AHCYL2: variants seen among roughly 807,000 people sequenced by gnomAD.
AHCYL2 encodes adenosylhomocysteinase like 2.
AHCYL2 carries 28 observed loss-of-function variants against 81.4 expected under a neutral mutation model. The ratio of observed to expected loss-of-function variants is 0.34; its 90% CI spans 0.25 to 0.47. AHCYL2 has a LOEUF of 0.47. Ranked by LOEUF, AHCYL2 falls within the 20% of genes least tolerant of loss-of-function variation. The probability of loss-of-function intolerance (pLI) is 1.00; values close to 1 mark genes in which losing one functional copy is unlikely to be tolerated. For synonymous variants in AHCYL2, 272 were observed against 290.2 expected (o/e 0.94, Z 0.64); for missense variants, 551 against 785.1 (o/e 0.70, Z 3.56).
chr7:129,276,895 G>A (rs1796228903), intron 1 of AHCYL2, among the ~76,000 whole-genome samples: 1 of 151,894 alleles, frequency 6.6e-6, no homozygotes, highest in Non-Finnish European at 1.5e-5. Context: ...TGAACAAGAA[G>A]ACATATCTAC....
intron 1 of AHCYL2, among the ~76,000 whole-genome samples, chr7:129,302,190 G>A (rs1310540547): frequency 6.6e-6 from 1 of 152,082 alleles, no homozygotes; most frequent in Non-Finnish European, 1.5e-5. Context: ...CTTGCTGTTG[G>A]TATATAGAAA....
intron 1 of AHCYL2, among the ~76,000 whole-genome samples, chr7:129,362,033 C>G (rs1171109037): frequency 6.6e-6 from 1 of 152,106 alleles, no homozygotes; most frequent in Non-Finnish European, 1.5e-5. Context: ...AAGCGAGATT[C>G]AAACCAGGCA....
intron 1 of AHCYL2, among the ~76,000 whole-genome samples, chr7:129,277,975 C>G (rs553741452): frequency 6.6e-6 from 1 of 152,144 alleles, no homozygotes; most frequent in African/African-American, 2.4e-5. Context: ...TATAAGTGTA[C>G]GGTTTAATTT....
At position 129,342,953 on chromosome 7, in the gene AHCYL2, A is replaced by G. The variant is rs575175572; in HGVS notation, c.364-36685A>G. ...GAAACAATTTCATTTACATCTTTTA[A>G]TTATGTGAAATCTTTTCTCTTTTCC... is the stretch of plus-strand genomic sequence containing the variant. On this transcript the variant is annotated intron_variant, in intron 1 of 16. Transcript: ENST00000325006. 3.3e-5 allele frequency among the ~76,000 whole-genome samples: 5 copies of G among 152,236 alleles called. No homozygotes were observed. The South Asian group carries it at 1.0e-3, about 32-fold the overall frequency.
intron 1 of AHCYL2, among the ~76,000 whole-genome samples, chr7:129,226,683 G>C (rs1264750862): frequency 2.0e-5 from 3 of 152,204 alleles, no homozygotes; most frequent in Admixed American, 1.3e-4. Flanking sequence ...AAATTTAGGT[G>C]ATAAGTCAGA....
rs201209053 is a variant in AHCYL2, at chr7:129,405,828, T to C, written c.1143-8T>C. ...ATTTTTCTGATTTAATGTTTTTTTT[T>C]CCCCTAGACTTAAAAGGACAACAGA... On this transcript the variant is annotated splice_polypyrimidine_tract_variant and splice_region_variant and intron_variant, in intron 8 of 16. Coordinates refer to ENST00000325006, the MANE Select transcript of AHCYL2 (RefSeq NM_015328.4). 174 of 1,599,008 alleles carry C rather than the reference T, an allele frequency of 1.1e-4. 1 individual carries two copies. In the East Asian group the frequency reaches 1.3e-3, roughly 12 times the overall value.
rs546732691 is a variant in AHCYL2 at position 129,335,103 on chromosome 7, C to T, written c.364-44535C>T. 2.4e-3 allele frequency among the ~76,000 whole-genome samples: 360 copies of T among 152,162 alleles called. 2 individuals carry two copies. The highest frequency in any genetic ancestry group is 8.4e-3 in the African/African-American group (348 of 41,518). On this transcript the variant is annotated intron_variant, in intron 1 of 16. Coordinates refer to ENST00000325006, the MANE Select transcript of AHCYL2 (RefSeq NM_015328.4). Reference sequence around the variant, plus strand: ...AGAAAAGAGAAGTAAAGCAGCAGGCCGGGCATGGTGGCTCATGCCTGTAAT... The same window carrying T: ...AGAAAAGAGAAGTAAAGCAGCAGGCTGGGCATGGTGGCTCATGCCTGTAAT...
intron 1 of AHCYL2, among the ~76,000 whole-genome samples, chr7:129,267,749 T>TAGAAA (rs1245965084): frequency 2.0e-5 from 3 of 152,030 alleles, no homozygotes; most frequent in African/African-American, 7.3e-5. Flanking sequence ...AGATAGGAAG[T>TAGAAA]AGAAAAGAGG....
chr7:129,313,821 A>C (rs1186726233), intron 1 of AHCYL2, among the ~76,000 whole-genome samples: 1 of 152,206 alleles, frequency 6.6e-6, no homozygotes, highest in Non-Finnish European at 1.5e-5. Flanking sequence ...TAACATTTCT[A>C]AAGTTGAGAT....
chr7:129,358,781 G>A (rs1793833288), intron 1 of AHCYL2, among the ~76,000 whole-genome samples: 1 of 152,144 alleles, frequency 6.6e-6, no homozygotes, highest in South Asian at 2.1e-4. Flanking sequence ...TTAAGTGGTT[G>A]TGTTGGTAAT....
intron 11 of AHCYL2, 148 bp downstream of exon 11, chr7:129,409,694 C>T (rs1796473801): frequency 1.5e-6 from 1 of 664,538 alleles, no homozygotes; most frequent in Admixed American, 3.0e-5. Context: ...TCACATTCTT[C>T]CTAATTCTTT....
At chr7:129,411,832 C>T (rs1265024359) in intron 11 of AHCYL2, among the ~76,000 whole-genome samples, 1 of 151,456 alleles carries the variant, frequency 6.6e-6, no homozygotes, top group African/African-American at 2.4e-5. Context: ...TATATCAGTA[C>T]CTTATTCCTT....
At chr7:129,342,655 A>C (rs537691050) in intron 1 of AHCYL2, among the ~76,000 whole-genome samples, 19 of 152,192 alleles carry the variant, frequency 1.2e-4, no homozygotes, top group Non-Finnish European at 2.6e-4. Flanking sequence ...TTGGGAGTTC[A>C]TGTATAAGCA....
intron 1 of AHCYL2, among the ~76,000 whole-genome samples, chr7:129,293,123 T>A (rs1315540409): frequency 2.8e-5 from 4 of 145,400 alleles, no homozygotes; most frequent in African/African-American, 7.6e-5. Context: ...CTTTCTCAAG[T>A]TGATCAGTGA....
At chr7:129,305,796 C>T (rs1275002511) in intron 1 of AHCYL2, among the ~76,000 whole-genome samples, 1 of 152,138 alleles carries the variant, frequency 6.6e-6, no homozygotes, top group Non-Finnish European at 1.5e-5. Flanking sequence ...TGATGAAATC[C>T]TTTAGCTTTT....
chr7:129,371,135 C>T (rs944562442), intron 1 of AHCYL2, among the ~76,000 whole-genome samples: 7 of 152,122 alleles, frequency 4.6e-5, no homozygotes, highest in African/African-American at 1.7e-4. Context: ...CATGTTGGGC[C>T]AAAGTTTCAA....
At chr7:129,384,797 A>C (rs1026631821) in intron 2 of AHCYL2, among the ~76,000 whole-genome samples, 2 of 152,238 alleles carry the variant, frequency 1.3e-5, no homozygotes, top group African/African-American at 4.8e-5. Context: ...GATGATACAT[A>C]ACTAGTACTT....
chr7:129,347,431 A>G (rs1315269152), intron 1 of AHCYL2, among the ~76,000 whole-genome samples: 1 of 152,148 alleles, frequency 6.6e-6, no homozygotes, highest in Non-Finnish European at 1.5e-5. Flanking sequence ...TTTGCTGTGA[A>G]CCTAAAACTG....
intron 1 of AHCYL2, among the ~76,000 whole-genome samples, chr7:129,321,333 C>A (rs2150788323): frequency 6.6e-6 from 1 of 152,300 alleles, no homozygotes; most frequent in Middle Eastern, 3.4e-3. Flanking sequence ...TAAAAGCGTT[C>A]TGTTCTAGTC....
Sources: allele counts gnomAD v4.1 joint callset (sites outside exome capture counted in the v4.1 genomes callset), GRCh38; gene constraint gnomAD v4.1.1; transcripts MANE v1.5; gene names NCBI Gene and HGNC (gene_info 2026-07-23, HGNC 2026-07-21).